Variants in DOCK9 observed in about 807,000 individuals in gnomAD.
The protein encoded by DOCK9 is dedicator of cytokinesis protein 9.
In DOCK9, 89 loss-of-function variants were observed where a neutral mutation model predicts 263.3. That is an observed-to-expected ratio of 0.34 (90% CI 0.28 to 0.40). The LOEUF (loss-of-function observed/expected upper bound fraction) is 0.40. DOCK9 is among the 10% of genes least tolerant of loss of function. The pLI is 1.00. For missense variants in DOCK9, 2,140 were observed against 2,603.4 expected, an observed-to-expected ratio of 0.82 and a Z score of 3.87; for synonymous variants, 976 against 973.1, an observed-to-expected ratio of 1.00 and a Z score of -0.06.
At chr13:98,853,289 T>C (rs1399077723) in intron 35 of DOCK9, 119 bp downstream of exon 35, 6 of 625,912 alleles carry the variant, frequency 9.6e-6, no homozygotes, top group African/African-American at 5.6e-5. Context: ...TCAATGAATA[T>C]GCATTTTAAA....
intron 46 of DOCK9, among the ~76,000 whole-genome samples, chr13:98,809,909 C>G (rs1032274666): frequency 6.6e-6 from 1 of 152,130 alleles, no homozygotes; most frequent in Non-Finnish European, 1.5e-5. Flanking sequence ...TTCATGGCAG[C>G]CTTTCGAAAG....
At chr13:98,861,201 C>T (rs6491459) in intron 32 of DOCK9, among the ~76,000 whole-genome samples, 120,218 of 152,144 alleles carry the variant, frequency 0.79, 47,948 homozygotes, top group Middle Eastern at 0.9. Flanking sequence ...AGAGAGAGTT[C>T]ATGCCCTTTA....
At chr13:98,852,805 A>G (rs2141587972) in intron 35 of DOCK9, among the ~76,000 whole-genome samples, 1 of 152,366 alleles carries the variant, frequency 6.6e-6, no homozygotes, top group East Asian at 1.9e-4. Flanking sequence ...CAAGCCTTAT[A>G]CGGTCCAGAT....
At chr13:98,901,076 G>A (rs377641652) in intron 13 of DOCK9, among the ~76,000 whole-genome samples, 4 of 152,164 alleles carry the variant, frequency 2.6e-5, no homozygotes, top group Non-Finnish European at 5.9e-5. Flanking sequence ...AAGGTGCTAC[G>A]AAGTGGCAGT....
intron 1 of DOCK9, among the ~76,000 whole-genome samples, chr13:99,070,777 C>A (rs1237363844): frequency 6.6e-6 from 1 of 152,198 alleles, no homozygotes; most frequent in African/African-American, 2.4e-5. Context: ...CCATCCATGG[C>A]AAGAACTATC....
In DOCK9 at chr13:99,051,741, C is replaced by T. The variant is rs1040102223; in HGVS notation, c.129+34482G>A. On this transcript the variant is annotated intron_variant, in intron 1 of 32. Coordinates refer to the DOCK9 transcript ENST00000427887. ...ACCTGCAATTACTTCAAACCCCAGACAAAAGTGGTCCCAATTGCTCAGGAT... is the reference window on the plus strand; with the variant it reads ...ACCTGCAATTACTTCAAACCCCAGATAAAAGTGGTCCCAATTGCTCAGGAT... 1.0e-4 allele frequency among the ~76,000 whole-genome samples: 15 copies of T among 149,716 alleles called. No homozygotes were observed. In the Admixed American group the frequency reaches 1.0e-3, roughly 10 times the overall value.
intron 2 of DOCK9, among the ~76,000 whole-genome samples, chr13:98,932,815 A>G (rs1167964692): frequency 2.0e-5 from 3 of 152,188 alleles, no homozygotes; most frequent in East Asian, 3.8e-4. Context: ...GTTCTTCACC[A>G]AAGTCCTTGG....
Position 98,883,022 on chromosome 13 carries a change from C to T in DOCK9, c.2559+20G>A, listed in dbSNP as rs371329069. On this transcript the variant is annotated intron_variant, in intron 23 of 52. Coordinates refer to ENST00000682017, the MANE Select transcript of DOCK9 (RefSeq NM_001366683.2). ...CTCCAAACTCACTTAAAAGGGGATA[C>T]TAAGAAAGCCATGTGATACCTTAAG... The T allele has an allele frequency of 1.5e-4, 248 of 1,602,904 alleles. 1 individual carries two copies. The highest frequency in any genetic ancestry group is 4.5e-5 in the South Asian group (4 of 89,142).
rs1336037273 is a variant in DOCK9, at chr13:98,915,426, T to C, written c.795A>G (p.Glu265=). The C allele has an allele frequency of 6.2e-7, 1 of 1,614,010 alleles. No individual in the cohort carries two copies. The highest frequency in any genetic ancestry group is 8.5e-7 in the Non-Finnish European group (1 of 1,179,888). The change falls in exon 8 of 53, where the codon GAA becomes GAG. Residue 265 remains glutamate, a synonymous_variant. Transcript: ENST00000682017. ...KSSYLLAADS[E]VEMEEWITIL... is the part of the protein sequence containing the mutation. Reference sequence around the variant, plus strand: ...TTGTGATCCATTCTTCCATTTCCACTTCACTGTCTGCTGCCAAGAGATAAC... The same window carrying C: ...TTGTGATCCATTCTTCCATTTCCACCTCACTGTCTGCTGCCAAGAGATAAC...
intron 1 of DOCK9, among the ~76,000 whole-genome samples, chr13:99,080,778 G>A (rs1345457776): frequency 6.6e-6 from 1 of 152,150 alleles, no homozygotes; most frequent in Admixed American, 6.5e-5. Context: ...TTTCCATGGT[G>A]TGCCTTAGTA....
rs1193181653 is a variant in DOCK9, at chr13:98,793,965, T to C, written c.*661A>G. ...GTACATAACAATATACTGTACTACT[T>C]TGTACTTTTCAGCATAGTTGCGGTT... On this transcript the variant is annotated 3_prime_UTR_variant, in exon 53 of 53. Coordinates refer to ENST00000682017, the MANE Select transcript of DOCK9 (RefSeq NM_001366683.2). 1 of 152,678 alleles carries C rather than the reference T, an allele frequency of 6.5e-6. No individual in the cohort carries two copies. Among genetic ancestry groups the C allele is most frequent in the Non-Finnish European group, 1.5e-5 (1 of 68,082 alleles). The allele number at this position is 152,678 out of a possible 1,614,324, so 9.5% of individuals were successfully genotyped here.
chr13:98,921,091 G>T lies in DOCK9; in HGVS notation c.583-3C>A. 1 of 1,595,388 alleles carries T rather than the reference G, an allele frequency of 6.3e-7. No individual in the cohort carries two copies. The highest frequency in any genetic ancestry group is 1.1e-5 in the South Asian group (1 of 87,784). On this transcript the variant is annotated splice_polypyrimidine_tract_variant and splice_region_variant and intron_variant, in intron 6 of 52. Coordinates refer to ENST00000682017, the MANE Select transcript of DOCK9 (RefSeq NM_001366683.2). The stretch of plus-strand genomic sequence containing the variant: ...TGGAAAAATCGTCTCTTAAATGACT[G>T]AGAGAAAAATATACACACAGCTATT...
chr13:98,912,139 T>A (rs2050155117), intron 9 of DOCK9, among the ~76,000 whole-genome samples: 1 of 152,168 alleles, frequency 6.6e-6, no homozygotes, highest in African/African-American at 2.4e-5. Context: ...CCCAAAGTGC[T>A]GGGATTACAG....
intron 38 of DOCK9, among the ~76,000 whole-genome samples, chr13:98,838,255 CT>C (rs2093081564): frequency 6.6e-6 from 1 of 152,202 alleles, no homozygotes; most frequent in Non-Finnish European, 1.5e-5. Flanking sequence ...CCTCAGCTGC[CT>C]CATCTGTAGA....
chr13:98,821,464 T>C (rs1198299955), intron 45 of DOCK9, among the ~76,000 whole-genome samples: 1 of 152,200 alleles, frequency 6.6e-6, no homozygotes, highest in Non-Finnish European at 1.5e-5. Context: ...CTAAACCCTC[T>C]CTGAACTTTT....
intron 32 of DOCK9, among the ~76,000 whole-genome samples, chr13:98,862,650 C>T (rs1457881862): frequency 6.6e-6 from 1 of 151,322 alleles, no homozygotes; most frequent in Non-Finnish European, 1.5e-5. Context: ...GATTGTGCCA[C>T]TGCACTCCAG....
chr13:98,798,655 C>T (rs2089737847), intron 50 of DOCK9, among the ~76,000 whole-genome samples: 1 of 152,240 alleles, frequency 6.6e-6, no homozygotes, highest in African/African-American at 2.4e-5. Flanking sequence ...TGACAAGAAG[C>T]TCCGCAGACG....
intron 2 of DOCK9, among the ~76,000 whole-genome samples, chr13:98,947,717 G>C (rs545801577): frequency 2.1e-3 from 314 of 152,164 alleles, no homozygotes; most frequent in Non-Finnish European, 3.0e-3. Context: ...TGTTGGCCAG[G>C]CTGGTCTCAA....
intron 22 of DOCK9, 86 bp downstream of exon 22, chr13:98,883,727 A>C: frequency 1.3e-6 from 1 of 776,108 alleles, no homozygotes; most frequent in Middle Eastern, 2.3e-4. Flanking sequence ...TAGTAATATA[A>C]CACATTAGGA....
Sources: allele counts gnomAD v4.1 joint callset (sites outside exome capture counted in the v4.1 genomes callset), GRCh38; gene constraint gnomAD v4.1.1; transcripts MANE v1.5; gene names NCBI Gene and HGNC (gene_info 2026-07-23, HGNC 2026-07-21).